The following WWTR1 variants were observed in gnomAD, a reference collection of about 807,000 sequenced individuals.
The protein encoded by WWTR1 is WW domain containing transcription regulator 1, also known as WW domain-containing transcription regulator protein 1.
A neutral mutation model predicts 40.1 loss-of-function variants in WWTR1; 13 were observed. The observed-to-expected ratio is 0.32, with a 90% CI of 0.21 to 0.52. The LOEUF is 0.52. Ranked by LOEUF, WWTR1 falls within the 20% of genes least tolerant of loss-of-function variation. WWTR1 has a pLI of 0.97. For synonymous variants in WWTR1, 230 were observed against 210.1 expected, an observed-to-expected ratio of 1.09 and a Z score of -0.82; for missense variants, 436 against 523.1, an observed-to-expected ratio of 0.83 and a Z score of 1.63.
chr3:149,716,376 C>T (rs1031118323), intron 5 of WWTR1, among the ~76,000 whole-genome samples: 2 of 151,238 alleles, frequency 1.3e-5, no homozygotes, highest in African/African-American at 4.9e-5. Context: ...AGGGAGACTC[C>T]ATCTCAAAAA....
At chr3:149,723,185 CTTTTTTTTTTT>C (rs35573546) in intron 4 of WWTR1, among the ~76,000 whole-genome samples, 3 of 101,816 alleles carry the variant, frequency 2.9e-5, no homozygotes, top group Non-Finnish European at 3.8e-5. Context: ...CTTTTCTTTT[CTTTTTTTTTTT>C]TTTTTTTTTG....
intron 3 of WWTR1, among the ~76,000 whole-genome samples, chr3:149,565,698 G>C (rs1737286533): frequency 6.6e-6 from 1 of 152,046 alleles, no homozygotes; most frequent in South Asian, 2.1e-4. Context: ...GATCACCTGA[G>C]GTCAGGAGTT....
At chr3:149,529,293 A>G (rs1576538841) in intron 4 of WWTR1, among the ~76,000 whole-genome samples, 1 of 152,312 alleles carries the variant, frequency 6.6e-6, no homozygotes, top group East Asian at 1.9e-4. Flanking sequence ...CAGCCCTAAC[A>G]TGATGTGACT....
intron 5 of WWTR1, among the ~76,000 whole-genome samples, chr3:149,710,858 C>G (rs1425611461): frequency 1.3e-5 from 2 of 151,938 alleles, no homozygotes; most frequent in African/African-American, 4.8e-5. Context: ...GGATTACAGG[C>G]ATGAGCCACT....
At chr3:149,567,193 C>CAA (rs11446548) in intron 3 of WWTR1, among the ~76,000 whole-genome samples, 113 of 126,780 alleles carry the variant, frequency 8.9e-4, no homozygotes, top group African/African-American at 2.1e-3. Context: ...ACCAAAAAGG[C>CAA]AAAAAAAAAA....
At chr3:149,551,587 C>T (rs974015445) in intron 3 of WWTR1, among the ~76,000 whole-genome samples, 1 of 145,588 alleles carries the variant, frequency 6.9e-6, no homozygotes, top group African/African-American at 2.6e-5. Context: ...ACAATCACCT[C>T]ATTCTCTTCT....
chr3:149,610,444 A>C (rs1739680671), intron 2 of WWTR1, among the ~76,000 whole-genome samples: 1 of 152,198 alleles, frequency 6.6e-6, no homozygotes, highest in African/African-American at 2.4e-5. Flanking sequence ...CCCAGCTCTT[A>C]TGCTCCTAAA....
chr3:149,647,407 G>C (rs886686357), intron 2 of WWTR1, among the ~76,000 whole-genome samples: 2 of 152,192 alleles, frequency 1.3e-5, no homozygotes, highest in African/African-American at 4.8e-5. Context: ...CATCCTCAGG[G>C]AACTGGGCCT....
chr3:149,702,345 G>C (rs183256405), intron 1 of WWTR1: 2 of 152,220 alleles, frequency 1.3e-5, no homozygotes, highest in African/African-American at 2.4e-5. Flanking sequence ...AGAATGGCAG[G>C]CTGGCTCAAT....
At chr3:149,678,972 G>T (rs1714365814) in intron 1 of WWTR1, among the ~76,000 whole-genome samples, 1 of 151,998 alleles carries the variant, frequency 6.6e-6, no homozygotes, top group African/African-American at 2.4e-5. Context: ...TGGGATTACA[G>T]GCATGCATCA....
chr3:149,616,860 A>C (rs552433268), intron 2 of WWTR1, among the ~76,000 whole-genome samples: 23 of 152,322 alleles, frequency 1.5e-4, no homozygotes, highest in African/African-American at 5.5e-4. Context: ...GTACTTATTC[A>C]TTACTACATC....
At chr3:149,566,944 G>A (rs748655110) in intron 3 of WWTR1, among the ~76,000 whole-genome samples, 9 of 152,168 alleles carry the variant, frequency 5.9e-5, no homozygotes, top group Non-Finnish European at 1.3e-4. Flanking sequence ...GTGTGCATGT[G>A]TGTATATGTA....
intron 1 of WWTR1, among the ~76,000 whole-genome samples, chr3:149,695,794 A>AAAAAT (rs1553735126): frequency 7.1e-6 from 1 of 140,756 alleles, no homozygotes; most frequent in Admixed American, 7.4e-5. Flanking sequence ...AAAAGAAAAA[A>AAAAAT]ATATATATAT....
chr3:149,630,485 A>G (rs1485062576), intron 2 of WWTR1, among the ~76,000 whole-genome samples: 2 of 152,114 alleles, frequency 1.3e-5, no homozygotes, highest in African/African-American at 4.8e-5. Context: ...ATATGGCTCT[A>G]TTTGGGACAG....
intron 4 of WWTR1, among the ~76,000 whole-genome samples, chr3:149,538,415 A>G (rs902929581): frequency 6.6e-6 from 1 of 152,196 alleles, no homozygotes; most frequent in Non-Finnish European, 1.5e-5. Context: ...ATCACAGACA[A>G]AAGACTTCCT....
chr3:149,573,494 C>T (rs990934960), intron 2 of WWTR1, among the ~76,000 whole-genome samples: 35 of 152,130 alleles, frequency 2.3e-4, no homozygotes, highest in Admixed American at 2.0e-4. Flanking sequence ...CTTCTGAACA[C>T]CACATTAGTG....
intron 3 of WWTR1, among the ~76,000 whole-genome samples, chr3:149,565,557 T>C (rs904945308): frequency 4.6e-5 from 7 of 152,160 alleles, no homozygotes; most frequent in Non-Finnish European, 4.4e-5. Flanking sequence ...ATCCGTTGAT[T>C]TGGTAATTTT....
chr3:149,576,327 C>T (rs1576573234), intron 2 of WWTR1: 1 of 324,574 alleles, frequency 3.1e-6, no homozygotes. Context: ...TCCAGCTCCC[C>T]CTACTTCCCA....
intron 2 of WWTR1, among the ~76,000 whole-genome samples, chr3:149,607,095 T>C (rs1739523602): frequency 6.6e-6 from 1 of 152,190 alleles, no homozygotes; most frequent in Non-Finnish European, 1.5e-5. Flanking sequence ...CAGACAAAAC[T>C]CATGATATCA....
Sources: allele counts gnomAD v4.1 joint callset (sites outside exome capture counted in the v4.1 genomes callset), GRCh38; gene constraint gnomAD v4.1.1; transcripts MANE v1.5; gene names NCBI Gene and HGNC (gene_info 2026-07-23, HGNC 2026-07-21).